Variants in KCNT2 observed in about 807,000 individuals in gnomAD.
KCNT2 encodes the protein potassium channel subfamily T member 2.
In KCNT2, 67 loss-of-function variants were observed where a neutral mutation model predicts 153.8. The ratio of observed to expected loss-of-function variants is 0.44; its 90% CI spans 0.36 to 0.53. The LOEUF (loss-of-function observed/expected upper bound fraction) is 0.53. Among genes scored for constraint, KCNT2 ranks in the 20% least tolerant of loss-of-function variants. The pLI is 0.00. For missense variants in KCNT2, 975 were observed against 1,354.8 expected (o/e 0.72, Z 4.40); for synonymous variants, 500 against 458.8 (o/e 1.09, Z -1.15).
At chr1:196,304,376 T>C (rs991314785) in intron 22 of KCNT2, among the ~76,000 whole-genome samples, 2 of 152,140 alleles carry the variant, frequency 1.3e-5, no homozygotes, top group African/African-American at 4.8e-5. Flanking sequence ...TTTTTAGAAA[T>C]GGGATCTCAC....
chr1:196,371,090 T>G (rs1436597549), intron 14 of KCNT2, among the ~76,000 whole-genome samples: 1 of 151,798 alleles, frequency 6.6e-6, no homozygotes, highest in Non-Finnish European at 1.5e-5. Context: ...CCAAATATAC[T>G]AAAATGATTT....
chr1:196,435,570 A>T (rs1674582934), intron 8 of KCNT2, among the ~76,000 whole-genome samples: 1 of 151,734 alleles, frequency 6.6e-6, no homozygotes, highest in Admixed American at 6.6e-5. Context: ...TATGTCAATA[A>T]CGTATTTCAA....
At chr1:196,353,590 T>C (rs1204031962) in intron 14 of KCNT2, among the ~76,000 whole-genome samples, 1 of 151,984 alleles carries the variant, frequency 6.6e-6, no homozygotes, top group Non-Finnish European at 1.5e-5. Flanking sequence ...TTGGATTGTG[T>C]GTAAATCAAT....
At chr1:196,590,846 C>A (rs1277345120) in intron 1 of KCNT2, among the ~76,000 whole-genome samples, 3 of 152,116 alleles carry the variant, frequency 2.0e-5, no homozygotes, top group Admixed American at 6.6e-5. Context: ...AGATCTCAGG[C>A]CGAGTGCAGT....
intron 20 of KCNT2, among the ~76,000 whole-genome samples, chr1:196,318,688 T>C (rs1223283558): frequency 3.3e-5 from 5 of 151,754 alleles, no homozygotes; most frequent in African/African-American, 7.2e-5. Flanking sequence ...TATATTAACA[T>C]AGAATGGAGG....
At chr1:196,319,857 A>G (rs1342329705) in intron 19 of KCNT2, among the ~76,000 whole-genome samples, 1 of 151,842 alleles carries the variant, frequency 6.6e-6, no homozygotes, top group Non-Finnish European at 1.5e-5. Context: ...AAGAAATCTT[A>G]TAAATAAATT....
intron 1 of KCNT2, among the ~76,000 whole-genome samples, chr1:196,549,222 G>A (rs1188262552): frequency 6.6e-6 from 1 of 151,768 alleles, no homozygotes; most frequent in East Asian, 1.9e-4. Flanking sequence ...AGTTTATTTT[G>A]TTCAATTTTT....
intron 5 of KCNT2, among the ~76,000 whole-genome samples, chr1:196,476,030 CAT>C (rs892205944): frequency 2.0e-5 from 3 of 152,200 alleles, no homozygotes; most frequent in African/African-American, 7.2e-5. Flanking sequence ...ATGTCATCAT[CAT>C]ATGATTGCAA....
chr1:196,505,405 A>G (rs1489047127), intron 1 of KCNT2, among the ~76,000 whole-genome samples: 2 of 151,898 alleles, frequency 1.3e-5, no homozygotes, highest in African/African-American at 2.4e-5. Flanking sequence ...GATATGAGGC[A>G]TTATTTCTGA....
At chr1:196,489,632 T>A (rs1485611438) in intron 3 of KCNT2, among the ~76,000 whole-genome samples, 2 of 151,896 alleles carry the variant, frequency 1.3e-5, no homozygotes, top group Non-Finnish European at 2.9e-5. Flanking sequence ...AATATTAGCA[T>A]CAGACAAACA....
intron 1 of KCNT2, among the ~76,000 whole-genome samples, chr1:196,539,149 T>C (rs949420288): frequency 6.6e-6 from 1 of 152,188 alleles, no homozygotes; most frequent in South Asian, 2.1e-4. Context: ...CATGATAAAC[T>C]AAGTTCTTTC....
intron 14 of KCNT2, among the ~76,000 whole-genome samples, chr1:196,358,398 C>T (rs1667346177): frequency 6.6e-6 from 1 of 151,392 alleles, no homozygotes; most frequent in African/African-American, 2.4e-5. Flanking sequence ...CCTTTTATCC[C>T]CTTAATACTG....
intron 1 of KCNT2, among the ~76,000 whole-genome samples, chr1:196,516,626 A>T: frequency 6.6e-6 from 1 of 152,172 alleles, no homozygotes; most frequent in East Asian, 1.9e-4. Flanking sequence ...GCTCTATGAA[A>T]AAGCAGGCTG....
rs560113348 is a variant in KCNT2, at chr1:196,425,063, T to C, written c.1121+789A>G. Among the ~76,000 whole-genome samples the C allele has an allele frequency of 4.9e-4, 75 of 152,136 alleles. No homozygotes were observed. In the Middle Eastern group the frequency reaches 0.01, roughly 21 times the overall value. ...CAACTCAAGGGTAAACATGAAGATA[T>C]GTTTAAAACTTTAAAAACAGCAGAA... On this transcript the variant is annotated intron_variant, in intron 11 of 27. Coordinates refer to ENST00000294725, the MANE Select transcript of KCNT2 (RefSeq NM_198503.5).
At chr1:196,263,822 T>C (rs1000219123) in intron 25 of KCNT2, among the ~76,000 whole-genome samples, 7 of 152,234 alleles carry the variant, frequency 4.6e-5, no homozygotes, top group Non-Finnish European at 8.8e-5. Flanking sequence ...AAAAGATAAA[T>C]CAAATATAGT....
intron 26 of KCNT2, among the ~76,000 whole-genome samples, chr1:196,250,233 G>A (rs1246932329): frequency 6.6e-6 from 1 of 152,106 alleles, no homozygotes; most frequent in East Asian, 1.9e-4. Flanking sequence ...GCATGGTACT[G>A]GCATAAAAAC....
chr1:196,600,633 A>C (rs1664622251), intron 1 of KCNT2, among the ~76,000 whole-genome samples: 1 of 133,500 alleles, frequency 7.5e-6, no homozygotes, highest in Non-Finnish European at 1.6e-5. Flanking sequence ...CATTTATATT[A>C]GATATCCATA....
At chr1:196,442,926 G>A (rs1175118962) in intron 8 of KCNT2, among the ~76,000 whole-genome samples, 1 of 151,660 alleles carries the variant, frequency 6.6e-6, no homozygotes, top group African/African-American at 2.4e-5. Flanking sequence ...GTTTGGAATA[G>A]AGCCAGAGGG....
At chr1:196,247,311 T>G (rs1180555139) in intron 26 of KCNT2, among the ~76,000 whole-genome samples, 10 of 152,094 alleles carry the variant, frequency 6.6e-5, no homozygotes, top group African/African-American at 1.7e-4. Flanking sequence ...TAAGGAGAGA[T>G]AGACTCCAAC....
Sources: allele counts gnomAD v4.1 joint callset (sites outside exome capture counted in the v4.1 genomes callset), GRCh38; gene constraint gnomAD v4.1.1; transcripts MANE v1.5; gene names NCBI Gene and HGNC (gene_info 2026-07-23, HGNC 2026-07-21).